Variants in CHST8 observed in about 807,000 individuals in gnomAD.
The protein encoded by CHST8 is carbohydrate sulfotransferase 8.
A neutral mutation model predicts 15.0 loss-of-function variants in CHST8; 10 were observed. The ratio of observed to expected loss-of-function variants is 0.67; its 90% CI spans 0.41 to 1.13. The LOEUF (loss-of-function observed/expected upper bound fraction) is 1.13. CHST8 is among the 50% of genes most tolerant of loss of function. The pLI is 0.00. For missense variants in CHST8, 634 were observed against 608.2 expected (o/e 1.04, Z -0.45); for synonymous variants, 259 against 256.6 (o/e 1.01, Z -0.09).
intron 2 of CHST8, among the ~76,000 whole-genome samples, chr19:33,672,531 C>T (rs537012481): frequency 1.3e-5 from 2 of 152,234 alleles, no homozygotes; most frequent in South Asian, 4.2e-4. Context: ...CTTTGTGTAC[C>T]ATCTCATGTC....
At chr19:33,757,749 A>G (rs1040308939) in intron 3 of CHST8, among the ~76,000 whole-genome samples, 4 of 151,678 alleles carry the variant, frequency 2.6e-5, no homozygotes, top group Admixed American at 2.0e-4. Flanking sequence ...GGATCTCACT[A>G]TGTTGCCCAG....
intron 3 of CHST8, among the ~76,000 whole-genome samples, chr19:33,733,723 G>A (rs1974033823): frequency 6.6e-6 from 1 of 152,180 alleles, no homozygotes; most frequent in South Asian, 2.1e-4. Context: ...ATAAATTGGG[G>A]TGTAACAGAT....
rs566291199 is a variant in CHST8, at chr19:33,708,262, C to T, written c.130+18871C>T. Among the ~76,000 whole-genome samples the T allele has an allele frequency of 4.5e-4, 69 of 152,188 alleles. 1 individual carries two copies. Among genetic ancestry groups the T allele is most frequent in the African/African-American group, 1.6e-3 (66 of 41,532 alleles). On this transcript the variant is annotated intron_variant, in intron 3 of 4. Coordinates refer to ENST00000650847, the MANE Select transcript of CHST8 (RefSeq NM_001127895.2). The stretch of plus-strand genomic sequence containing the variant: ...AAAAAGTGCAATTCAACATGTTTTT[C>T]GTTGATGGATTATGCTTTTTGTGTT...
intron 1 of CHST8, among the ~76,000 whole-genome samples, chr19:33,626,431 C>T (rs929743391): frequency 1.3e-5 from 2 of 151,940 alleles, no homozygotes; most frequent in Non-Finnish European, 2.9e-5. Context: ...CAGAGAGTAT[C>T]TGTGCAATAA....
At chr19:33,672,502 A>G (rs1972751590) in intron 2 of CHST8, among the ~76,000 whole-genome samples, 1 of 152,122 alleles carries the variant, frequency 6.6e-6, no homozygotes, top group Non-Finnish European at 1.5e-5. Context: ...CCTGGCCCCC[A>G]TCAAAAGTAT....
intron 3 of CHST8, among the ~76,000 whole-genome samples, chr19:33,765,417 C>T (rs184207932): frequency 4.2e-4 from 64 of 152,042 alleles, no homozygotes; most frequent in Non-Finnish European, 2.2e-4. Flanking sequence ...GTTACAGCAG[C>T]TGCAGGAACA....
At chr19:33,670,420 T>C (rs1178446384) in intron 2 of CHST8, among the ~76,000 whole-genome samples, 1 of 152,220 alleles carries the variant, frequency 6.6e-6, no homozygotes, top group Non-Finnish European at 1.5e-5. Context: ...GAATAGTGCT[T>C]GGCATACTCA....
At chr19:33,695,387 C>T (rs547548331) in intron 3 of CHST8, among the ~76,000 whole-genome samples, 2 of 152,272 alleles carry the variant, frequency 1.3e-5, no homozygotes, top group South Asian at 4.1e-4. Flanking sequence ...ATCACAAGCA[C>T]TTTTCATATA....
chr19:33,639,559 A>G (rs1972250709), intron 1 of CHST8, among the ~76,000 whole-genome samples: 1 of 152,216 alleles, frequency 6.6e-6, no homozygotes, highest in Non-Finnish European at 1.5e-5. Flanking sequence ...AGGAGATGGC[A>G]GACAACCTCA....
chr19:33,729,144 C>T (rs116486494), intron 3 of CHST8, among the ~76,000 whole-genome samples: 1,817 of 152,288 alleles, frequency 0.012, 22 homozygotes, highest in African/African-American at 0.029. Context: ...CCTCAGTTTC[C>T]GGTAGAACTT....
chr19:33,757,344 C>T (rs1287367631), intron 3 of CHST8, among the ~76,000 whole-genome samples: 1 of 147,728 alleles, frequency 6.8e-6, no homozygotes, highest in African/African-American at 2.5e-5. Flanking sequence ...CATGCCACTG[C>T]ACTCCAGCCT....
At chr19:33,668,204 T>C (rs989744056) in intron 2 of CHST8, among the ~76,000 whole-genome samples, 39 of 152,186 alleles carry the variant, frequency 2.6e-4, no homozygotes, top group African/African-American at 1.2e-4. Flanking sequence ...GCCAGGAATG[T>C]TGAGATGGCG....
intron 3 of CHST8, 129 bp from the exon 4 acceptor site, chr19:33,771,284 T>A: frequency 2.3e-6 from 2 of 882,308 alleles, no homozygotes; most frequent in Non-Finnish European, 3.8e-6. Flanking sequence ...TGCCCTAAGC[T>A]GCCTTTCCCT....
chr19:33,650,507 CTTTTTCTTTTCTTTTTTTTTTTTTT>C (rs1189445990), intron 1 of CHST8, among the ~76,000 whole-genome samples: 1 of 54,546 alleles, frequency 1.8e-5, no homozygotes, highest in Non-Finnish European at 3.4e-5. Context: ...TTTTCTTTTT[CTTTTTCTTTTCTTTTTTTTTTTTTT>C]TTTTTTTTTT....
intron 3 of CHST8, among the ~76,000 whole-genome samples, chr19:33,738,046 C>A (rs985898300): frequency 6.6e-6 from 1 of 152,104 alleles, no homozygotes; most frequent in Non-Finnish European, 1.5e-5. Context: ...ACATTTAAAT[C>A]CAATTACCCT....
intron 2 of CHST8, among the ~76,000 whole-genome samples, chr19:33,673,410 G>T (rs576824010): frequency 2.6e-5 from 4 of 152,210 alleles, no homozygotes; most frequent in Non-Finnish European, 5.9e-5. Flanking sequence ...ACCTAAGGTG[G>T]GAGCCAGGGA....
chr19:33,706,454 T>C lies in CHST8; in HGVS notation c.130+17063T>C, dbSNP rs76397710. Among the ~76,000 whole-genome samples the C allele has an allele frequency of 9.6e-3, 1,462 of 152,192 alleles. 20 individuals carry two copies. The highest frequency in any genetic ancestry group is 0.033 in the African/African-American group (1,378 of 41,532). ...CCATGGGTGGACAGATGCCTTACGG[T>C]TCATGTGGAAAGCACTTCACCCTGA... is the stretch of plus-strand genomic sequence containing the variant. On this transcript the variant is annotated intron_variant, in intron 3 of 4. Transcript: ENST00000650847.
chr19:33,650,518 CTTTTTTTTT>C (rs869057036), intron 1 of CHST8, among the ~76,000 whole-genome samples: 26 of 36,108 alleles, frequency 7.2e-4, no homozygotes, highest in South Asian at 1.1e-3. Flanking sequence ...TTTTTCTTTT[CTTTTTTTTT>C]TTTTTTTTTT....
chr19:33,709,005 G>T (rs548916423), intron 3 of CHST8, among the ~76,000 whole-genome samples: 13 of 152,080 alleles, frequency 8.5e-5, no homozygotes, highest in Non-Finnish European at 1.8e-4. Flanking sequence ...GAATGGAATT[G>T]TTTTTCTAAT....
Sources: gnomAD v4.1 joint callset for allele counts (sites outside exome capture counted in the v4.1 genomes callset) on GRCh38, gnomAD v4.1.1 for gene constraint, MANE v1.5 for transcripts, NCBI Gene and HGNC (gene_info 2026-07-23, HGNC 2026-07-21) for gene names.